RPS6KA2: variants seen among roughly 807,000 people sequenced by gnomAD.
RPS6KA2 encodes ribosomal protein S6 kinase A2.
In RPS6KA2, 42 loss-of-function variants were observed where a neutral mutation model predicts 91.8. The ratio of observed to expected loss-of-function variants is 0.46; its 90% CI spans 0.36 to 0.59. The LOEUF (loss-of-function observed/expected upper bound fraction) is 0.59, where lower values mean the gene tolerates loss of function less well. Ranked by LOEUF, RPS6KA2 falls within the 20% of genes least tolerant of loss-of-function variation. RPS6KA2 has a pLI of 0.00. For synonymous variants in RPS6KA2, 414 were observed against 393.6 expected, an observed-to-expected ratio of 1.05 and a Z score of -0.61; for missense variants, 798 against 978.5, an observed-to-expected ratio of 0.82 and a Z score of 2.46.
chr6:166,851,819 A>G (rs1293863508), intron 2 of RPS6KA2, among the ~76,000 whole-genome samples: 2 of 152,230 alleles, frequency 1.3e-5, no homozygotes, highest in African/African-American at 4.8e-5. Flanking sequence ...AGGAATGACA[A>G]ATGACAAACA....
chr6:166,846,612 G>T (rs756792675), intron 2 of RPS6KA2, among the ~76,000 whole-genome samples: 1 of 152,002 alleles, frequency 6.6e-6, no homozygotes, highest in Admixed American at 6.5e-5. Context: ...CAAAAATCAC[G>T]TGATCATCCC....
chr6:166,774,970 G>C (rs1452091125), intron 2 of RPS6KA2, among the ~76,000 whole-genome samples: 1 of 152,046 alleles, frequency 6.6e-6, no homozygotes, highest in African/African-American at 2.4e-5. Context: ...GGGCAGAGGA[G>C]AAACGGCAGG....
Position 166,412,860 on chromosome 6 carries a change from G to C in RPS6KA2, c.2104C>G (p.Leu702Val). ...KGAMAATYFA[L>V]NRTPQAPRLE... ...CGCGGGGCCTGAGGTGTTCTGTTTAGAGCAAAGTAGGTGGCGGCCATCGCG... is the reference window on the plus strand; with the variant it reads ...CGCGGGGCCTGAGGTGTTCTGTTTACAGCAAAGTAGGTGGCGGCCATCGCG... Residue 702 changes from leucine (L) to valine (V), a missense_variant, in exon 21 of 21, where the codon CTA (leucine) becomes GTA (valine). Physicochemically the swap from Leu to Val is conservative, Grantham distance 32. Transcript: ENST00000265678. The surrounding 1 kb of genome is among the most constrained non-coding windows in gnomAD (Gnocchi z 4.3). The C allele has an allele frequency of 6.4e-7, 1 of 1,564,076 alleles. No homozygotes were observed. Among genetic ancestry groups the C allele is most frequent in the Admixed American group, 1.9e-5 (1 of 51,852 alleles).
chr6:166,716,013 G>A (rs527325352), intron 2 of RPS6KA2, among the ~76,000 whole-genome samples: 3 of 137,068 alleles, frequency 2.2e-5, no homozygotes, highest in Admixed American at 1.6e-4. Context: ...ACTACAGCCT[G>A]GCTGACAGAG....
intron 2 of RPS6KA2, among the ~76,000 whole-genome samples, chr6:166,831,922 A>T (rs962603996): frequency 6.7e-6 from 1 of 150,156 alleles, no homozygotes; most frequent in Non-Finnish European, 1.5e-5. Flanking sequence ...ATAGATAGAC[A>T]GATGATAGAT....
intron 2 of RPS6KA2, among the ~76,000 whole-genome samples, chr6:166,804,622 T>C (rs1779445525): frequency 1.3e-5 from 2 of 152,290 alleles, no homozygotes; most frequent in Admixed American, 1.3e-4. Flanking sequence ...GAGTATTATA[T>C]ATTTATCTAT....
At chr6:166,845,262 T>TG (rs1236326746) in intron 2 of RPS6KA2, among the ~76,000 whole-genome samples, 1 of 152,026 alleles carries the variant, frequency 6.6e-6, no homozygotes. Context: ...ACAGTAATAG[T>TG]GGGGGACTTC....
At chr6:166,537,061 G>A (rs191823639) in intron 2 of RPS6KA2, among the ~76,000 whole-genome samples, 62 of 152,340 alleles carry the variant, frequency 4.1e-4, no homozygotes, top group Non-Finnish European at 6.9e-4. Flanking sequence ...GGAGGACATT[G>A]GTAAGATTCA....
intron 2 of RPS6KA2, among the ~76,000 whole-genome samples, chr6:166,738,651 T>G (rs1484227866): frequency 6.6e-6 from 1 of 152,156 alleles, no homozygotes; most frequent in Non-Finnish European, 1.5e-5. Flanking sequence ...ATTGTTCCCA[T>G]TTTACATGGG....
intron 15 of RPS6KA2, 69 bp from the exon 16 acceptor site, chr6:166,430,680 G>A: frequency 6.6e-7 from 1 of 1,506,780 alleles, no homozygotes; most frequent in Non-Finnish European, 9.0e-7. Context: ...TACTCCAGAG[G>A]GGACAGGAGA....
In RPS6KA2 at chr6:166,737,313, G is replaced by A. The variant is rs903129965; in HGVS notation, c.123+120887C>T. 6.6e-6 allele frequency among the ~76,000 whole-genome samples: 1 copy of A among 152,150 alleles called. No homozygotes were observed. The highest frequency in any genetic ancestry group is 2.4e-5 in the African/African-American group (1 of 41,438). ...CCCTAATAAATCGTGTGGCTGCCAT[G>A]ACCCTTCACCCCAGCGGCAGCCTGG... On this transcript the variant is annotated intron_variant, in intron 2 of 21. Transcript: ENST00000503859. The surrounding 1 kb of genome is among the most constrained non-coding windows in gnomAD (Gnocchi z 4.3).
chr6:166,862,376 G>A (rs538162333), exon 1 of RPS6KA2: 208 of 1,404,850 alleles, frequency 1.5e-4, no homozygotes, highest in Non-Finnish European at 1.8e-4. Flanking sequence ...GGAGGGACCC[G>A]GGGGGCTGCA....
At chr6:166,451,517 TGTTA>T (rs1328782290) in intron 12 of RPS6KA2, among the ~76,000 whole-genome samples, 1 of 152,242 alleles carries the variant, frequency 6.6e-6, no homozygotes, top group Non-Finnish European at 1.5e-5. Context: ...TGATGGCATC[TGTTA>T]GTTTGCCAAC....
intron 2 of RPS6KA2, among the ~76,000 whole-genome samples, chr6:166,654,651 G>C (rs1286375240): frequency 6.6e-6 from 1 of 152,164 alleles, no homozygotes; most frequent in Non-Finnish European, 1.5e-5. Context: ...GTATCCTCCA[G>C]TTTTTGTTGC....
At chr6:166,461,152 C>A (rs1780273099) in intron 11 of RPS6KA2, among the ~76,000 whole-genome samples, 1 of 152,144 alleles carries the variant, frequency 6.6e-6, no homozygotes, top group Non-Finnish European at 1.5e-5. Flanking sequence ...CACGCGGGAA[C>A]CATCGGAGGA....
At position 166,497,727 on chromosome 6, in the gene RPS6KA2, ACT is replaced by A. The variant is rs546922391; in HGVS notation, c.747+779_747+780del. Among the ~76,000 whole-genome samples, 590 of 152,244 alleles carry A rather than the reference ACT, an allele frequency of 3.9e-3. 16 individuals carry two copies. Among genetic ancestry groups the A allele is most frequent in the Admixed American group, 0.033 (509 of 15,296 alleles). On this transcript the variant is annotated intron_variant, in intron 8 of 20. Transcript: ENST00000265678. ...TGTGGTGGGAGGAGAGGCGGTCAAAACTCTGAAGGGAACTGGGTTTGGCAGGC... is the reference window on the plus strand; with the variant it reads ...TGTGGTGGGAGGAGAGGCGGTCAAAACTGAAGGGAACTGGGTTTGGCAGGC...
intron 11 of RPS6KA2, among the ~76,000 whole-genome samples, chr6:166,467,462 G>GGCTGGGGT (rs748964679): frequency 2.0e-5 from 3 of 152,226 alleles, no homozygotes; most frequent in Non-Finnish European, 4.4e-5. Context: ...CAAGGCCGGG[G>GGCTGGGGT]GCTGGGGTGC....
chr6:166,805,918 A>G (rs1452288124), intron 2 of RPS6KA2, among the ~76,000 whole-genome samples: 2 of 152,208 alleles, frequency 1.3e-5, no homozygotes, highest in African/African-American at 2.4e-5. Flanking sequence ...AAAGAGATAG[A>G]AAATCCAAAA....
In RPS6KA2 at chr6:166,445,629, T is replaced by C. The variant is rs551822297; in HGVS notation, c.1332+3095A>G. Among the ~76,000 whole-genome samples the C allele has an allele frequency of 8.5e-5, 13 of 152,334 alleles. No individual in the cohort carries two copies. The South Asian group carries it at 2.3e-3, about 27-fold the overall frequency. ...CCTGGGCAGAATCCATCGATTCTGG[T>C]CACTCTCCTCATTGCTTACTAAAGA... On this transcript the variant is annotated intron_variant, in intron 14 of 20. Coordinates refer to ENST00000265678, the MANE Select transcript of RPS6KA2 (RefSeq NM_021135.6). The surrounding 1 kb of genome is among the most constrained non-coding windows in gnomAD (Gnocchi z 4.5).
Sources: allele counts gnomAD v4.1 joint callset (sites outside exome capture counted in the v4.1 genomes callset), GRCh38; gene constraint gnomAD v4.1.1; non-coding constraint Gnocchi (gnomAD v3.1); transcripts MANE v1.5; gene names NCBI Gene and HGNC (gene_info 2026-07-23, HGNC 2026-07-21).